PPP6R1: variants seen among roughly 807,000 people sequenced by gnomAD.
PPP6R1 encodes the protein protein phosphatase 6 regulatory subunit 1, also known as serine/threonine-protein phosphatase 6 regulatory subunit 1.
A neutral mutation model predicts 104.6 loss-of-function variants in PPP6R1; 39 were observed. That is an observed-to-expected ratio of 0.37 (90% confidence interval 0.29 to 0.49). The LOEUF (loss-of-function observed/expected upper bound fraction) is 0.49, where lower values mean the gene tolerates loss of function less well. PPP6R1 is among the 20% of genes least tolerant of loss of function. The probability of loss-of-function intolerance (pLI) is 0.98; values close to 1 mark genes in which losing one functional copy is unlikely to be tolerated. For missense variants in PPP6R1, 1,181 were observed against 1,155.8 expected (o/e 1.02, Z -0.32); for synonymous variants, 549 against 479.0 (o/e 1.15, Z -1.91).
intron 1 of PPP6R1, among the ~76,000 whole-genome samples, chr19:55,247,747 T>C (rs1037216573): frequency 7.2e-5 from 11 of 152,234 alleles, no homozygotes; most frequent in African/African-American, 2.2e-4. Context: ...GCTGTGGCCG[T>C]TGCCTGGACA....
Position 55,239,428 on chromosome 19 carries a change from A to C in PPP6R1, c.1728T>G (p.Phe576Leu). Residue 576 changes from phenylalanine (F) to leucine (L), a missense_variant, in exon 15 of 24, where the codon TTT becomes TTG. Phe to Leu is a conservative substitution (Grantham distance 22). Transcript: ENST00000412770. ...ACTTCACACTCTCCTCCTGCTCCCC[A>C]AACTCCTCATCATTGAAGCCGAAGT... ...IDHFGFNDEEFGEQEESVNAP... is the reference protein window; with the variant it reads ...IDHFGFNDEELGEQEESVNAP... 1 of 1,613,904 alleles carries C rather than the reference A, an allele frequency of 6.2e-7. No homozygotes were observed. The highest frequency in any genetic ancestry group is 1.7e-5 in the Admixed American group (1 of 60,018).
chr19:55,257,078 TAA>T (rs35336959), intron 1 of PPP6R1, among the ~76,000 whole-genome samples: 94 of 94,230 alleles, frequency 1.0e-3, no homozygotes, highest in Admixed American at 1.3e-3. Context: ...GAACTAGAGT[TAA>T]AAAAAAAAAA....
intron 15 of PPP6R1, 189 bp downstream of exon 15, chr19:55,239,216 T>A: frequency 1.6e-6 from 1 of 613,154 alleles, no homozygotes; most frequent in Non-Finnish European, 2.9e-6. Context: ...GGAACTCATG[T>A]AACAGGAGGC....
chr19:55,234,470 G>T (rs1260101520), intron 17 of PPP6R1, among the ~76,000 whole-genome samples: 1 of 152,176 alleles, frequency 6.6e-6, no homozygotes, highest in Non-Finnish European at 1.5e-5. Context: ...TATATGTAAA[G>T]GGATGAAGGT....
At chr19:55,230,941 A>G in intron 21 of PPP6R1, 57 bp from the exon 22 acceptor site, 1 of 1,392,282 alleles carries the variant, frequency 7.2e-7, no homozygotes, top group African/African-American at 1.4e-5. Context: ...ACCTGCTGAC[A>G]CCCTCACATC....
In PPP6R1 at chr19:55,239,688, G is replaced by T; in HGVS notation, c.1564-5C>A. On this transcript the variant is annotated splice_region_variant and splice_polypyrimidine_tract_variant and intron_variant, in intron 13 of 23. Coordinates refer to ENST00000412770, the MANE Select transcript of PPP6R1 (RefSeq NM_014931.4). ...GTGTAGGTGGTGGGTGTTCACCTGG[G>T]GAGAGGAGGGGGCGTCAGGGCCTGC... 6.2e-7 allele frequency: 1 copy of T among 1,608,624 alleles called. No homozygotes were observed. The highest frequency in any genetic ancestry group is 1.7e-5 in the Admixed American group (1 of 59,296).
chr19:55,254,106 A>C (rs1402155827), intron 1 of PPP6R1, among the ~76,000 whole-genome samples: 1 of 152,286 alleles, frequency 6.6e-6, no homozygotes, highest in East Asian at 1.9e-4. Context: ...GGAGCAGGAG[A>C]AAGACTCTAC....
intron 1 of PPP6R1, 107 bp from the exon 2 acceptor site, chr19:55,247,216 C>A (rs1404892106): frequency 5.1e-6 from 6 of 1,178,360 alleles, no homozygotes; most frequent in Non-Finnish European, 7.4e-6. Context: ...ACAGCCTCTC[C>A]CCAAGTCCCA....
At chr19:55,232,339 C>T in intron 17 of PPP6R1, 128 bp from the exon 18 acceptor site, 32 of 1,398,182 alleles carry the variant, frequency 2.3e-5, no homozygotes, top group Non-Finnish European at 3.0e-5. Context: ...CAGAAGGGTC[C>T]AGGGAGCCTG....
At position 55,231,904 on chromosome 19, in the gene PPP6R1, A is replaced by G; in HGVS notation, c.2204T>C (p.Leu735Pro). 6.5e-7 allele frequency: 1 copy of G among 1,536,038 alleles called. No individual in the cohort carries two copies. The highest frequency in any genetic ancestry group is 2.3e-5 in the East Asian group (1 of 43,654). ...CTGTGGGGCTGGAGGCCCAGTGTGC[A>G]GCTCTTCCTCCCCGGAGACTCGGGG... The part of the protein sequence containing the change: ...TSPRVSGEEE[L>P]HTGPPAPQGP... The change falls in exon 19 of 24, where the codon CTG becomes CCG. Residue 735 changes from leucine (L) to proline (P), a missense_variant. Transcript: ENST00000412770.
Position 55,241,249 on chromosome 19 carries a change from T to C in PPP6R1, c.1151A>G (p.Asn384Ser), listed in dbSNP as rs1380063481. The C allele has an allele frequency of 6.3e-7, 1 of 1,585,150 alleles. No individual in the cohort carries two copies. The highest frequency in any genetic ancestry group is 8.6e-7 in the Non-Finnish European group (1 of 1,166,892). Residue 384 changes from asparagine (N) to serine (S), a missense_variant, in exon 9 of 24, where the codon AAC becomes AGC. Asn to Ser is a conservative substitution (Grantham distance 46). Around this residue, in one of 2 missense-constraint regions of PPP6R1, gnomAD observed 1,042 missense variants for 955.6 expected, o/e 1.09. Transcript: ENST00000412770. The surrounding 1 kb of genome is among the most constrained non-coding windows in gnomAD (Gnocchi z 5.4). ...THELLALDVPNTMLDLFFHYV... is the reference protein window; with the variant it reads ...THELLALDVPSTMLDLFFHYV... ...GTCCAGTCCCCGCACCAGCATGGTG[T>C]TGGGCACGTCCAGTGCCAGGAGCTC...
At position 55,245,537 on chromosome 19, in the gene PPP6R1, G is replaced by A; in HGVS notation, c.369C>T (p.Phe123=). The A allele has an allele frequency of 6.2e-7, 1 of 1,610,992 alleles. No homozygotes were observed. Among genetic ancestry groups the A allele is most frequent in the South Asian group, 1.1e-5 (1 of 90,490 alleles). ...TGSLNPLLAS[F]FSKVMGILIN... is the part of the protein sequence containing the mutation. The stretch of plus-strand genomic sequence containing the variant: ...TGAGGATGCCCATGACCTTGCTGAA[G>A]AAGCTGGCCAGCAGTGGGTTGAGGC... The change falls in exon 3 of 24, where the codon TTC becomes TTT. Residue 123 remains phenylalanine (F), a synonymous_variant. Transcript: ENST00000412770. The surrounding 1 kb of genome is among the most constrained non-coding windows in gnomAD (Gnocchi z 6.4).
chr19:55,257,911 G>A (rs770268157), intron 1 of PPP6R1, among the ~76,000 whole-genome samples: 1 of 152,178 alleles, frequency 6.6e-6, no homozygotes, highest in Non-Finnish European at 1.5e-5. Flanking sequence ...CCGCTCCCAG[G>A]TCCCTCGCAC....
At position 55,245,107 on chromosome 19, in the gene PPP6R1, C is replaced by T. The variant is rs746463462; in HGVS notation, c.618+13G>A. 36 of 1,612,566 alleles carry T rather than the reference C, an allele frequency of 2.2e-5. No homozygotes were observed. Among genetic ancestry groups the T allele is most frequent in the South Asian group, 5.5e-5 (5 of 90,668 alleles). ...CTCTAAGGGGAATCCGCAGGGGCAT[C>T]GGCAGCACTCACATTCTCATCCTTC... On this transcript the variant is annotated intron_variant, in intron 5 of 23. Transcript: ENST00000412770. This position sits in a 1 kb window ranked among gnomAD's most constrained non-coding sequence, Gnocchi z 6.4.
intron 17 of PPP6R1, among the ~76,000 whole-genome samples, chr19:55,235,261 T>C (rs1033193848): frequency 9.2e-5 from 14 of 151,780 alleles, no homozygotes; most frequent in Admixed American, 5.2e-4. Context: ...CACAGCCTGA[T>C]TGGAGAGGGA....
At chr19:55,255,594 AG>A (rs2087586719) in intron 1 of PPP6R1, 1 of 152,364 alleles carries the variant, frequency 6.6e-6, no homozygotes, top group African/African-American at 2.4e-5. Flanking sequence ...AAGGCAGGTG[AG>A]CCCCATCAAG....
At chr19:55,238,357 AG>A in intron 15 of PPP6R1, among the ~76,000 whole-genome samples, 1 of 152,336 alleles carries the variant, frequency 6.6e-6, no homozygotes, top group Non-Finnish European at 1.5e-5. Flanking sequence ...GGACTAAGCC[AG>A]GAACAGCTGA....
At chr19:55,233,070 C>T (rs1457048797) in intron 17 of PPP6R1, 1 of 152,100 alleles carries the variant, frequency 6.6e-6, no homozygotes, top group Non-Finnish European at 1.5e-5. Flanking sequence ...TGTATCTAAA[C>T]ATAGGAAAAA....
rs577173325 is a variant in PPP6R1, at chr19:55,243,229, A to G, written c.619-741T>C. Among the ~76,000 whole-genome samples, 4 of 152,140 alleles carry G rather than the reference A, an allele frequency of 2.6e-5. No individual in the cohort carries two copies. The East Asian group carries it at 7.7e-4, about 29-fold the overall frequency. On this transcript the variant is annotated intron_variant, in intron 5 of 23. Transcript: ENST00000412770. ...GGAGTTTGAGACCAGCCTGGCCAAC[A>G]TGGTGAAACCCCATCTCTACTAAAA...
Sources: allele counts gnomAD v4.1 joint callset (sites outside exome capture counted in the v4.1 genomes callset), GRCh38; gene constraint gnomAD v4.1.1; regional missense constraint gnomAD v4.1.1; non-coding constraint Gnocchi (gnomAD v3.1); transcripts MANE v1.5; gene names NCBI Gene and HGNC (gene_info 2026-07-23, HGNC 2026-07-21).